Variants in SPEN observed in about 807,000 individuals in gnomAD.
SPEN encodes spen family transcriptional repressor.
SPEN carries 18 observed loss-of-function variants against 269.9 expected under a neutral mutation model. That is an observed-to-expected ratio of 0.07 (90% CI 0.05 to 0.10). The LOEUF is 0.10. Ranked by LOEUF, SPEN falls within the 10% of genes least tolerant of loss-of-function variation. The pLI is 1.00. For synonymous variants in SPEN, 1,726 were observed against 1,765.7 expected (o/e 0.98, Z 0.56); for missense variants, 3,822 against 4,631.2 (o/e 0.83, Z 5.07).
In SPEN at chr1:15,848,149, C is replaced by G; in HGVS notation, c.82C>G (p.Arg28Gly). ...REEKIIEHFK[R>G]YGRVESVKIL... ...AGAGAAGATCATCGAGCATTTCAAACGGTGAGTGACACGAGGCCCGCGGCC... is the reference window on the plus strand; with the variant it reads ...AGAGAAGATCATCGAGCATTTCAAAGGGTGAGTGACACGAGGCCCGCGGCC... The change falls in exon 1 of 15, where the codon CGA becomes GGA. Residue 28 changes from arginine (R) to glycine (G), a missense_variant and splice_region_variant. Coordinates refer to ENST00000375759, the MANE Select transcript of SPEN (RefSeq NM_015001.3). This position sits in a 1 kb window ranked among gnomAD's most constrained non-coding sequence, Gnocchi z 5.1. 6.8e-7 allele frequency: 1 copy of G among 1,478,048 alleles called. No individual in the cohort carries two copies. The highest frequency in any genetic ancestry group is 1.4e-5 in the African/African-American group (1 of 69,026). The allele number at this position is 1,478,048 out of a possible 1,614,324, so 91.6% of individuals were successfully genotyped here. A position where few individuals can be genotyped will look rare whatever the true frequency, so the allele number is the denominator to read the frequency against.
In SPEN at chr1:15,935,320, G is replaced by A. The variant is rs756121623; in HGVS notation, c.9080G>A (p.Arg3027Gln). 2.7e-5 allele frequency: 43 copies of A among 1,613,850 alleles called. No homozygotes were observed. The highest frequency in any genetic ancestry group is 3.3e-5 in the Non-Finnish European group (39 of 1,180,010). Residue 3027 changes from arginine (R) to glutamine (Q), a missense_variant, in exon 11 of 15, where the codon CGA becomes CAA. Coordinates refer to ENST00000375759, the MANE Select transcript of SPEN (RefSeq NM_015001.3). The surrounding 1 kb of genome is among the most constrained non-coding windows in gnomAD (Gnocchi z 7.7). ...AAAKLDAHSP[R>Q]PSGPGPSSFP... ...GCAAAGCTAGATGCTCATTCTCCTC[G>A]ACCAAGTGGACCCGGGCCATCCTCA...
At chr1:15,881,126 C>A (rs2070683572) in intron 3 of SPEN, among the ~76,000 whole-genome samples, 1 of 152,146 alleles carries the variant, frequency 6.6e-6, no homozygotes, top group Admixed American at 6.6e-5. Context: ...ACATCACTTA[C>A]ACCTTGCTAA....
chr1:15,860,378 GGTGTGTGTGTGTGTGTGT>G (rs60005872), intron 1 of SPEN, among the ~76,000 whole-genome samples: 10 of 121,236 alleles, frequency 8.2e-5, no homozygotes, highest in South Asian at 3.2e-4. Context: ...TAGCTTCAGA[GGTGTGTGTGTGTGTGTGT>G]GTGTGTGTGT....
chr1:15,896,187 CTTTTTTTTTTTTT>C (rs34846762), intron 3 of SPEN, among the ~76,000 whole-genome samples: 49 of 69,210 alleles, frequency 7.1e-4, no homozygotes, highest in Non-Finnish European at 9.1e-4. Flanking sequence ...TTTACCATCA[CTTTTTTTTTTTTT>C]TTTTTTTTTT....
chr1:15,931,438 C>G lies in SPEN; in HGVS notation c.5198C>G (p.Ala1733Gly). 6.2e-7 allele frequency: 1 copy of G among 1,614,158 alleles called. No individual in the cohort carries two copies. Among genetic ancestry groups the G allele is most frequent in the Non-Finnish European group, 8.5e-7 (1 of 1,180,030 alleles). The part of the protein sequence containing the change: ...SSGDQPPYLD[A>G]KPPTPGASFS... The stretch of plus-strand genomic sequence containing the variant: ...GGTGACCAGCCGCCTTATCTGGATG[C>G]CAAGCCTCCAACTCCCGGGGCCTCG... Residue 1733 changes from alanine to glycine, a missense_variant, in exon 11 of 15, where the codon GCC becomes GGC. By Grantham distance (60) the Ala-to-Gly change is moderately conservative (BLOSUM62 0). Around this residue, in one of 16 missense-constraint regions of SPEN, gnomAD observed 533 missense variants for 618.8 expected, o/e 0.86. Coordinates refer to ENST00000375759, the MANE Select transcript of SPEN (RefSeq NM_015001.3). The surrounding 1 kb of genome is among the most constrained non-coding windows in gnomAD (Gnocchi z 4.8).
At chr1:15,922,438 T>C (rs1309869050) in intron 10 of SPEN, 89 bp downstream of exon 10, 4 of 807,466 alleles carry the variant, frequency 5.0e-6, no homozygotes, top group Non-Finnish European at 7.9e-6. Context: ...TTTTTCACTC[T>C]TTACCCCTAC....
chr1:15,892,839 C>T (rs1404091946), intron 3 of SPEN, among the ~76,000 whole-genome samples: 1 of 152,128 alleles, frequency 6.6e-6, no homozygotes, highest in Non-Finnish European at 1.5e-5. Context: ...TGGCTCACGT[C>T]TGTAATCCCA....
Position 15,937,473 on chromosome 1 carries a change from C to G in SPEN, c.10337C>G (p.Ser3446Cys). The change falls in exon 12 of 15, where the codon TCT (serine) becomes TGT (cysteine). Residue 3446 changes from serine to cysteine, a missense_variant. Coordinates refer to ENST00000375759, the MANE Select transcript of SPEN (RefSeq NM_015001.3). This position sits in a 1 kb window ranked among gnomAD's most constrained non-coding sequence, Gnocchi z 5.7. ...SVSMKPDLPV[S>C]LPTQTAPKQP... ...TCCATGAAGCCTGACCTTCCAGTCT[C>G]TCTTCCCACTCAGACTGCCCCAAAA... 1.9e-6 allele frequency: 3 copies of G among 1,614,036 alleles called. No homozygotes were observed. The highest frequency in any genetic ancestry group is 3.3e-5 in the Admixed American group (2 of 60,018).
intron 3 of SPEN, among the ~76,000 whole-genome samples, chr1:15,891,198 A>G (rs1475294731): frequency 2.0e-5 from 3 of 151,294 alleles, no homozygotes; most frequent in African/African-American, 7.3e-5. Context: ...TATGAAAAAA[A>G]TTTTTTTTTA....
chr1:15,926,200 G>A lies in SPEN; in HGVS notation c.1851-1891G>A, dbSNP rs566322542. 1.5e-3 allele frequency among the ~76,000 whole-genome samples: 232 copies of A among 152,020 alleles called. 1 individual carries two copies. Among genetic ancestry groups the A allele is most frequent in the South Asian group, 3.9e-3 (19 of 4,816 alleles). The stretch of plus-strand genomic sequence containing the variant: ...CACCAGAGGTCAGGAGTTTGAGTTC[G>A]GCCTGGCCAACACAGTGAAACCTGT... On this transcript the variant is annotated intron_variant, in intron 10 of 14. Transcript: ENST00000375759.
chr1:15,874,378 T>A (rs989447217), intron 2 of SPEN: 1 of 1,364,936 alleles, frequency 7.3e-7, no homozygotes, highest in African/African-American at 1.5e-5. Flanking sequence ...ATAGGTCGTG[T>A]TTCCACACTT....
chr1:15,937,775 CCATGA>C lies in SPEN; in HGVS notation c.10510-36_10510-32del. 1 of 1,612,224 alleles carries C rather than the reference CCATGA, an allele frequency of 6.2e-7. No homozygotes were observed. Among genetic ancestry groups the C allele is most frequent in the Non-Finnish European group, 8.5e-7 (1 of 1,179,120 alleles). The stretch of plus-strand genomic sequence containing the variant: ...GTGTCCAGCATGGCTCAGCGAGGGG[CCATGA>C]GCTCACTTCCTGTTTGTTTCCCTGT... On this transcript the variant is annotated intron_variant, in intron 12 of 14. Coordinates refer to ENST00000375759, the MANE Select transcript of SPEN (RefSeq NM_015001.3). The surrounding 1 kb of genome is among the most constrained non-coding windows in gnomAD (Gnocchi z 5.7).
rs138160992 is a variant in SPEN at position 15,937,438 on chromosome 1, T to C, written c.10302T>C (p.Pro3434=). 5.9e-5 allele frequency: 96 copies of C among 1,613,672 alleles called. No individual in the cohort carries two copies. Among genetic ancestry groups the C allele is most frequent in the Middle Eastern group, 1.6e-4 (1 of 6,084 alleles). ...CAGGCCCGACTTCCTTCCCCTCCCC[T>C]GTGTCTGTCTCCATGAAGCCTGACC... is the stretch of plus-strand genomic sequence containing the variant. The part of the protein sequence containing the change: ...AETGPTSFPS[P]VSVSMKPDLP... The change falls in exon 12 of 15, where the codon CCT becomes CCC. Residue 3434 remains proline, a synonymous_variant. Coordinates refer to ENST00000375759, the MANE Select transcript of SPEN (RefSeq NM_015001.3). The surrounding 1 kb of genome is among the most constrained non-coding windows in gnomAD (Gnocchi z 5.7).
chr1:15,896,047 C>T (rs2070838741), intron 3 of SPEN, among the ~76,000 whole-genome samples: 1 of 151,924 alleles, frequency 6.6e-6, no homozygotes, highest in Non-Finnish European at 1.5e-5. Flanking sequence ...TTTTAAACAG[C>T]ATTTTCTGCC....
At chr1:15,865,583 C>T (rs1054331136) in intron 1 of SPEN, among the ~76,000 whole-genome samples, 3 of 151,248 alleles carry the variant, frequency 2.0e-5, no homozygotes, top group East Asian at 3.9e-4. Flanking sequence ...CCGCCACATC[C>T]GGCTAATTTT....
intron 3 of SPEN, among the ~76,000 whole-genome samples, chr1:15,888,792 CA>C: frequency 6.6e-6 from 1 of 151,916 alleles, no homozygotes; most frequent in South Asian, 2.1e-4. Flanking sequence ...CCACCATGCC[CA>C]GCTAATTTTG....
intron 3 of SPEN, among the ~76,000 whole-genome samples, chr1:15,888,063 A>G (rs867744466): frequency 6.6e-6 from 1 of 151,714 alleles, no homozygotes; most frequent in Middle Eastern, 3.4e-3. Context: ...ATAACAAGTA[A>G]TTACGCAGAT....
intron 1 of SPEN, among the ~76,000 whole-genome samples, chr1:15,871,171 G>C (rs1172421813): frequency 2.0e-5 from 3 of 152,118 alleles, no homozygotes; most frequent in Admixed American, 2.0e-4. Context: ...GTTTCACCAT[G>C]TTGGTCAGGC....
rs2071253585 is a variant in SPEN at position 15,934,411 on chromosome 1, C to T, written c.8171C>T (p.Thr2724Ile). ...TVGTVNAAPGTVNAAASAVNA... is the reference protein window; with the variant it reads ...TVGTVNAAPGIVNAAASAVNA... The stretch of plus-strand genomic sequence containing the variant: ...GGCACAGTGAATGCCGCCCCAGGCA[C>T]AGTCAATGCCGCTGCGAGTGCAGTG... The change falls in exon 11 of 15, where the codon ACA becomes ATA. Residue 2724 changes from threonine to isoleucine, a missense_variant. Thr to Ile is a moderately conservative substitution (Grantham distance 89, BLOSUM62 -1). Coordinates refer to ENST00000375759, the MANE Select transcript of SPEN (RefSeq NM_015001.3). The surrounding 1 kb of genome is among the most constrained non-coding windows in gnomAD (Gnocchi z 9.2). 1.9e-6 allele frequency: 3 copies of T among 1,613,820 alleles called. No homozygotes were observed. Among genetic ancestry groups the T allele is most frequent in the Non-Finnish European group, 8.5e-7 (1 of 1,180,038 alleles).
Sources: allele counts gnomAD v4.1 joint callset (sites outside exome capture counted in the v4.1 genomes callset), GRCh38; gene constraint gnomAD v4.1.1; regional missense constraint gnomAD v4.1.1; non-coding constraint Gnocchi (gnomAD v3.1); transcripts MANE v1.5; gene names NCBI Gene and HGNC (gene_info 2026-07-23, HGNC 2026-07-21).